Variants in ERBB4 observed in about 807,000 individuals in gnomAD.
ERBB4 encodes the protein erb-b2 receptor tyrosine kinase 4.
A neutral mutation model predicts 158.0 loss-of-function variants in ERBB4; 42 were observed. That is an observed-to-expected ratio of 0.27 (90% CI 0.21 to 0.34). The LOEUF (loss-of-function observed/expected upper bound fraction) is 0.34, where lower values mean the gene tolerates loss of function less well. ERBB4 is among the 10% of genes least tolerant of loss of function. The probability of loss-of-function intolerance (pLI) is 1.00; values close to 1 mark genes in which losing one functional copy is unlikely to be tolerated. For synonymous variants in ERBB4, 583 were observed against 558.7 expected (o/e 1.04, Z -0.61); for missense variants, 1,333 against 1,624.1 (o/e 0.82, Z 3.08).
At chr2:212,172,739 C>T (rs181408531) in intron 1 of ERBB4, among the ~76,000 whole-genome samples, 1 of 151,938 alleles carries the variant, frequency 6.6e-6, no homozygotes, top group African/African-American at 2.4e-5. Flanking sequence ...GATGAGAACA[C>T]ATGGACAAAT....
chr2:212,329,219 G>T (rs2088008532), intron 1 of ERBB4, among the ~76,000 whole-genome samples: 1 of 151,692 alleles, frequency 6.6e-6, no homozygotes, highest in African/African-American at 2.4e-5. Flanking sequence ...GAATAACAAA[G>T]TATTAAAAAG....
chr2:211,814,333 G>T (rs1364229285), intron 3 of ERBB4, among the ~76,000 whole-genome samples: 1 of 152,042 alleles, frequency 6.6e-6, no homozygotes, highest in African/African-American at 2.4e-5. Flanking sequence ...CACATTTTTG[G>T]CCAAACAGTG....
At chr2:211,970,920 T>C (rs2081435619) in intron 2 of ERBB4, among the ~76,000 whole-genome samples, 1 of 152,178 alleles carries the variant, frequency 6.6e-6, no homozygotes, top group Admixed American at 6.5e-5. Context: ...CTTGTCATCA[T>C]GTTTAGCTGG....
intron 20 of ERBB4, among the ~76,000 whole-genome samples, chr2:211,459,370 C>T (rs1457883605): frequency 2.0e-5 from 3 of 152,182 alleles, no homozygotes; most frequent in South Asian, 2.1e-4. Context: ...GGTAATCCCA[C>T]AACTCTCCTT....
intron 1 of ERBB4, among the ~76,000 whole-genome samples, chr2:212,137,225 T>C (rs2080300658): frequency 6.6e-6 from 1 of 152,166 alleles, no homozygotes; most frequent in Admixed American, 6.6e-5. Flanking sequence ...GTTTTTTACA[T>C]TGGTAAACTT....
chr2:211,820,969 T>C (rs1443725412), intron 3 of ERBB4, among the ~76,000 whole-genome samples: 1 of 151,890 alleles, frequency 6.6e-6, no homozygotes, highest in African/African-American at 2.4e-5. Flanking sequence ...TTTCCAGCTT[T>C]TCCCCTAAGA....
intron 19 of ERBB4, among the ~76,000 whole-genome samples, chr2:211,593,348 C>G (rs1019712427): frequency 2.6e-5 from 4 of 152,088 alleles, no homozygotes; most frequent in African/African-American, 9.7e-5. Context: ...AAAGTGGAAA[C>G]GTTGAGTGTA....
intron 3 of ERBB4, among the ~76,000 whole-genome samples, chr2:211,862,427 T>C (rs1401390090): frequency 1.3e-5 from 2 of 151,990 alleles, no homozygotes; most frequent in Non-Finnish European, 2.9e-5. Flanking sequence ...TCAAGCATTG[T>C]CTTAGATGAG....
intron 3 of ERBB4, among the ~76,000 whole-genome samples, chr2:211,927,707 C>T (rs2080056544): frequency 1.3e-5 from 2 of 150,690 alleles, no homozygotes. Context: ...ACTTAACTCG[C>T]AAAAGTTTTT....
chr2:212,302,046 A>G (rs1380087797), intron 1 of ERBB4, among the ~76,000 whole-genome samples: 2 of 151,326 alleles, frequency 1.3e-5, no homozygotes, highest in Non-Finnish European at 3.0e-5. Flanking sequence ...CATTATAACC[A>G]TTAGCTAATG....
chr2:212,043,120 C>CT (rs1180055474), intron 2 of ERBB4, among the ~76,000 whole-genome samples: 2 of 152,102 alleles, frequency 1.3e-5, no homozygotes, highest in African/African-American at 4.8e-5. Context: ...TACCTTTATG[C>CT]TTTGAAAGCA....
At chr2:211,395,790 T>C (rs2062903174) in intron 25 of ERBB4, among the ~76,000 whole-genome samples, 1 of 152,102 alleles carries the variant, frequency 6.6e-6, no homozygotes, top group Admixed American at 6.6e-5. Flanking sequence ...ATATGTTATC[T>C]AAACACTCTA....
intron 1 of ERBB4, among the ~76,000 whole-genome samples, chr2:212,286,608 T>G (rs1311555165): frequency 2.0e-4 from 24 of 121,708 alleles, no homozygotes; most frequent in Admixed American, 3.4e-4. Flanking sequence ...TTTTTTTTTT[T>G]TTTTTTTTTT....
intron 3 of ERBB4, among the ~76,000 whole-genome samples, chr2:211,861,124 T>TTTTA (rs1553648444): frequency 4.9e-5 from 1 of 20,254 alleles, no homozygotes; most frequent in Non-Finnish European, 8.2e-5. Flanking sequence ...TATATATATT[T>TTTTA]TATATATATA....
chr2:211,712,786 G>A (rs2073751211), intron 8 of ERBB4, among the ~76,000 whole-genome samples: 1 of 149,102 alleles, frequency 6.7e-6, no homozygotes, highest in Admixed American at 6.7e-5. Context: ...GGTGGGGGGG[G>A]ATGTATAGAG....
At chr2:212,400,834 A>G (rs1301403761) in intron 1 of ERBB4, among the ~76,000 whole-genome samples, 1 of 152,208 alleles carries the variant, frequency 6.6e-6, no homozygotes, top group Non-Finnish European at 1.5e-5. Flanking sequence ...AACTCTTGAA[A>G]GATAAACTGG....
At chr2:212,331,056 T>TTATATATATATATA (rs1195085255) in intron 1 of ERBB4, among the ~76,000 whole-genome samples, 1 of 25,270 alleles carries the variant, frequency 4.0e-5, no homozygotes, top group African/African-American at 6.4e-5. Flanking sequence ...TATTTGTAAT[T>TTATATATATATATA]TGTATATATA....
At chr2:211,862,539 A>G (rs2078087678) in intron 3 of ERBB4, among the ~76,000 whole-genome samples, 1 of 152,180 alleles carries the variant, frequency 6.6e-6, no homozygotes, top group Non-Finnish European at 1.5e-5. Context: ...ACACTGCATA[A>G]TTGAAACTCT....
intron 1 of ERBB4, among the ~76,000 whole-genome samples, chr2:212,302,746 GTAAT>G (rs2086666935): frequency 1.3e-5 from 2 of 151,620 alleles, no homozygotes; most frequent in South Asian, 2.1e-4. Flanking sequence ...ATTTGCCTAA[GTAAT>G]TAGTGGGATT....
Sources: gnomAD v4.1 joint callset for allele counts (sites outside exome capture counted in the v4.1 genomes callset) on GRCh38, gnomAD v4.1.1 for gene constraint, MANE v1.5 for transcripts, NCBI Gene and HGNC (gene_info 2026-07-23, HGNC 2026-07-21) for gene names.